Variants in TMEM59 observed in about 807,000 individuals in gnomAD.
TMEM59 encodes transmembrane protein 59.
In TMEM59, 44 loss-of-function variants were observed where a neutral mutation model predicts 42.2. The ratio of observed to expected loss-of-function variants is 1.04; its 90% confidence interval spans 0.82 to 1.34. TMEM59 has a LOEUF of 1.34. Ranked by LOEUF, TMEM59 falls within the 40% of genes most tolerant of loss-of-function variation. The pLI, the probability that TMEM59 is intolerant of heterozygous loss-of-function variation, is 0.00. For missense variants in TMEM59, 359 were observed against 382.8 expected, an observed-to-expected ratio of 0.94 and a Z score of 0.52; for synonymous variants, 148 against 145.8, an observed-to-expected ratio of 1.02 and a Z score of -0.11.
intron 3 of TMEM59, 26 bp downstream of exon 3, chr1:54,045,666 G>C: frequency 6.2e-7 from 1 of 1,609,504 alleles, no homozygotes; most frequent in Non-Finnish European, 8.5e-7. Context: ...AAGCAGGCTA[G>C]TTTGAAAGGC....
chr1:54,051,504 T>C (rs576458139), intron 1 of TMEM59, among the ~76,000 whole-genome samples: 2 of 152,304 alleles, frequency 1.3e-5, no homozygotes, highest in East Asian at 3.9e-4. Flanking sequence ...ATAGTGGACA[T>C]TATTAAAGTA....
intron 1 of TMEM59, chr1:54,047,610 AC>A (rs1657387330): frequency 2.4e-6 from 1 of 416,282 alleles, no homozygotes; most frequent in South Asian, 3.2e-5. Flanking sequence ...TAAAACCACC[AC>A]CCTTTTTCCA....
intron 1 of TMEM59, among the ~76,000 whole-genome samples, chr1:54,049,832 AT>A (rs1657468514): frequency 6.6e-6 from 1 of 152,224 alleles, no homozygotes. Flanking sequence ...AAATTAAAAA[AT>A]AAATAAATAG....
At chr1:54,053,484 C>T (rs765490058), upstream of TMEM59, 91 of 386,970 alleles carry the variant, frequency 2.4e-4, no homozygotes, top group Middle Eastern at 7.2e-4. Flanking sequence ...TGTAGTTCTC[C>T]GTAGGCGGGA....
In TMEM59 at chr1:54,027,905, A is replaced by G. The variant is rs1217624231; in HGVS notation, c.*4245T>C. On this transcript the variant is annotated 3_prime_UTR_variant, in exon 8 of 8. Transcript: ENST00000234831. ...CACACTACCATCCAGCTTCCTAAAC[A>G]GAAGACTAAATTTCCCGCTATCCCT... The G allele has an allele frequency of 6.6e-6, 1 of 152,230 alleles. No individual in the cohort carries two copies. Among genetic ancestry groups the G allele is most frequent in the Admixed American group, 6.6e-5 (1 of 15,266 alleles). 9.4% of individuals were successfully genotyped at this position (152,230 alleles called of 1,614,324 possible).
chr1:54,042,915 G>C (rs1262579796), intron 4 of TMEM59, among the ~76,000 whole-genome samples: 1 of 152,144 alleles, frequency 6.6e-6, no homozygotes, highest in Non-Finnish European at 1.5e-5. Context: ...CGATGAGATA[G>C]GAGACATTAC....
chr1:54,051,253 G>C (rs1270946686), intron 1 of TMEM59, among the ~76,000 whole-genome samples: 1 of 152,152 alleles, frequency 6.6e-6, no homozygotes, highest in Non-Finnish European at 1.5e-5. Context: ...GTGACCTTAG[G>C]CAAGTCACTT....
chr1:54,047,174 T>C, intron 2 of TMEM59, 93 bp downstream of exon 2: 2 of 999,792 alleles, frequency 2.0e-6, no homozygotes, highest in Non-Finnish European at 1.5e-6. Flanking sequence ...GTTTCAACAG[T>C]GTGTTTTCCA....
At chr1:54,049,500 C>G (rs1409049725) in intron 1 of TMEM59, among the ~76,000 whole-genome samples, 1 of 152,130 alleles carries the variant, frequency 6.6e-6, no homozygotes, top group East Asian at 1.9e-4. Context: ...AGAATCATAT[C>G]TTTATTCTAA....
Position 54,041,664 on chromosome 1 carries a change from C to T in TMEM59, c.625+60G>A, listed in dbSNP as rs139587347. On this transcript the variant is annotated intron_variant, in intron 5 of 7. Coordinates refer to ENST00000234831, the MANE Select transcript of TMEM59 (RefSeq NM_004872.5). Reference sequence around the variant, plus strand: ...AGTGTAAAAACAAACATGACCAACTCTACTACAACCAGATTTGACTGCTAA... The same window carrying T: ...AGTGTAAAAACAAACATGACCAACTTTACTACAACCAGATTTGACTGCTAA... The T allele has an allele frequency of 2.2e-5, 31 of 1,378,724 alleles. No homozygotes were observed. In the African/African-American group the frequency reaches 4.2e-4, roughly 18 times the overall value. The allele number at this position is 1,378,724 out of a possible 1,614,324, so 85.4% of individuals were successfully genotyped here. A position where few individuals can be genotyped will look rare whatever the true frequency, so the allele number is the denominator to read the frequency against.
chr1:54,053,398 G>T, upstream of TMEM59: 1 of 610,416 alleles, frequency 1.6e-6, no homozygotes, highest in Non-Finnish European at 2.8e-6. Context: ...GCGTGAGGAG[G>T]GGAATTCAAC....
chr1:54,053,452 C>G (rs1388806651), upstream of TMEM59: 2 of 493,396 alleles, frequency 4.1e-6, no homozygotes, highest in Non-Finnish European at 7.3e-6. Context: ...GACTTCTTCC[C>G]TTCGCGGGGC....
chr1:54,026,933 A>C lies in TMEM59; in HGVS notation c.*5217T>G, dbSNP rs1656618057. On this transcript the variant is annotated 3_prime_UTR_variant, in exon 8 of 8. Coordinates refer to ENST00000234831, the MANE Select transcript of TMEM59 (RefSeq NM_004872.5). Reference sequence around the variant, plus strand: ...AAAGCATGCAAGAGGCAGTAAAATAAGCCCAAATAATTGAGAATTGAACAA... The same window carrying C: ...AAAGCATGCAAGAGGCAGTAAAATACGCCCAAATAATTGAGAATTGAACAA... 6.6e-6 allele frequency: 1 copy of C among 152,272 alleles called. No individual in the cohort carries two copies. Among genetic ancestry groups the C allele is most frequent in the Non-Finnish European group, 1.5e-5 (1 of 68,046 alleles). The allele number at this position is 152,272 out of a possible 1,614,324, so 9.4% of individuals were successfully genotyped here.
chr1:54,032,192 C>A lies in TMEM59; in HGVS notation c.930G>T (p.Gly310=). ...CAAGATTCACTTTTGTAGGTAGAGGCCCTGCTTCTTCATGATCTTCAGTTT... is the reference window on the plus strand; with the variant it reads ...CAAGATTCACTTTTGTAGGTAGAGGACCTGCTTCTTCATGATCTTCAGTTT... ...RSKTEDHEEA[G]PLPTKVNLAH... Residue 310 remains glycine, a synonymous_variant, in exon 8 of 8, where the codon GGG becomes GGT. Coordinates refer to ENST00000234831, the MANE Select transcript of TMEM59 (RefSeq NM_004872.5). 6.2e-7 allele frequency: 1 copy of A among 1,613,086 alleles called. No homozygotes were observed. The highest frequency in any genetic ancestry group is 1.1e-5 in the South Asian group (1 of 90,970).
intron 7 of TMEM59, chr1:54,033,707 T>C (rs1446903645): frequency 4.0e-5 from 6 of 151,878 alleles, no homozygotes; most frequent in Middle Eastern, 3.2e-3. Context: ...CTGATATCAC[T>C]GGCAGGACAA....
At chr1:54,050,515 C>T (rs909448402) in intron 1 of TMEM59, among the ~76,000 whole-genome samples, 1 of 150,884 alleles carries the variant, frequency 6.6e-6, no homozygotes, top group African/African-American at 2.4e-5. Flanking sequence ...TCCTGGAGCA[C>T]AAAGCACAGA....
intron 3 of TMEM59, chr1:54,044,154 A>G (rs917364052): frequency 6.6e-6 from 1 of 151,932 alleles, no homozygotes; most frequent in South Asian, 2.1e-4. Context: ...CATCCTGGGC[A>G]ACATGGTGAA....
chr1:54,031,595 C>G lies in TMEM59; in HGVS notation c.*555G>C, dbSNP rs1230044828. 1 of 152,638 alleles carries G rather than the reference C, an allele frequency of 6.6e-6. No homozygotes were observed. The highest frequency in any genetic ancestry group is 1.5e-5 in the Non-Finnish European group (1 of 68,066). The allele number at this position is 152,638 out of a possible 1,614,324, so 9.5% of individuals were successfully genotyped here. On this transcript the variant is annotated 3_prime_UTR_variant, in exon 8 of 8. Coordinates refer to ENST00000234831, the MANE Select transcript of TMEM59 (RefSeq NM_004872.5). Reference sequence around the variant, plus strand: ...TAAAGCAATAGCAATAAACACAGAACATTTCATAATTCTTATCTAGGTTGG... The same window carrying G: ...TAAAGCAATAGCAATAAACACAGAAGATTTCATAATTCTTATCTAGGTTGG...
intron 6 of TMEM59, among the ~76,000 whole-genome samples, chr1:54,037,309 A>G (rs1233384828): frequency 2.0e-5 from 3 of 152,234 alleles, no homozygotes; most frequent in Non-Finnish European, 4.4e-5. Context: ...AGAGATAGTT[A>G]TATTTTCCTT....
Sources: allele counts gnomAD v4.1 joint callset (sites outside exome capture counted in the v4.1 genomes callset), GRCh38; gene constraint gnomAD v4.1.1; transcripts MANE v1.5; gene names NCBI Gene and HGNC (gene_info 2026-07-23, HGNC 2026-07-21).